Variants in MGMT observed in about 807,000 individuals in gnomAD.
The protein encoded by MGMT is methylated-DNA--protein-cysteine methyltransferase.
MGMT carries 14 observed loss-of-function variants against 15.9 expected under a neutral mutation model. That is an observed-to-expected ratio of 0.88 (90% CI 0.58 to 1.37). The LOEUF (loss-of-function observed/expected upper bound fraction) is 1.37, where lower values mean the gene tolerates loss of function less well. Among genes scored for constraint, MGMT ranks in the 40% most tolerant of loss-of-function variants. The probability of loss-of-function intolerance (pLI) is 0.00; values close to 1 mark genes in which losing one functional copy is unlikely to be tolerated. For synonymous variants in MGMT, 130 were observed against 118.2 expected (o/e 1.10, Z -0.65); for missense variants, 282 against 268.1 (o/e 1.05, Z -0.36).
chr10:129,650,578 C>T (rs1235245265), intron 2 of MGMT, among the ~76,000 whole-genome samples: 1 of 152,162 alleles, frequency 6.6e-6, no homozygotes, highest in East Asian at 1.9e-4. Context: ...AGGAAGAGAT[C>T]CATGGGTTGG....
chr10:129,684,689 T>G (rs1032451393), intron 2 of MGMT, among the ~76,000 whole-genome samples: 1 of 152,220 alleles, frequency 6.6e-6, no homozygotes. Flanking sequence ...CTAGCTCATT[T>G]AGAGACATCC....
rs1445100344 is a variant in MGMT at position 129,769,778 on chromosome 10, G to C, written c.*2781G>C. Among the ~76,000 whole-genome samples the C allele has an allele frequency of 6.6e-6, 1 of 152,214 alleles. No homozygotes were observed. Among genetic ancestry groups the C allele is most frequent in the Non-Finnish European group, 1.5e-5 (1 of 68,044 alleles). On this transcript the variant is annotated 3_prime_UTR_variant, in exon 5 of 5. Transcript: ENST00000651593. ...TCCACGTGTCCTGTGGCCGCCTCCA[G>C]TGGTGAGTCTGTGAGGCCAGAGAAG...
intron 1 of MGMT, among the ~76,000 whole-genome samples, chr10:129,468,304 G>A (rs1845193428): frequency 6.6e-6 from 1 of 152,150 alleles, no homozygotes; most frequent in African/African-American, 2.4e-5. Flanking sequence ...GCACCTGGTG[G>A]GTGGGGGTGT....
chr10:129,627,647 C>A (rs186514738), intron 2 of MGMT, among the ~76,000 whole-genome samples: 12 of 152,272 alleles, frequency 7.9e-5, no homozygotes, highest in African/African-American at 2.4e-4. Context: ...CGGAAGCGGC[C>A]TCTAAAAATA....
intron 3 of MGMT, among the ~76,000 whole-genome samples, chr10:129,730,712 A>AT (rs373951829): frequency 4.0e-4 from 61 of 151,330 alleles, no homozygotes; most frequent in Middle Eastern, 3.4e-3. Context: ...CCCTCCTCTG[A>AT]TTTTTTTTTG....
chr10:129,701,318 A>AG (rs1378273948), intron 2 of MGMT: 1 of 152,162 alleles, frequency 6.6e-6, no homozygotes, highest in Non-Finnish European at 1.5e-5. Flanking sequence ...GGAGAGAGAG[A>AG]GGAGGTGTTC....
At chr10:129,731,745 A>G (rs533427795) in intron 3 of MGMT, among the ~76,000 whole-genome samples, 4 of 152,284 alleles carry the variant, frequency 2.6e-5, no homozygotes, top group African/African-American at 7.2e-5. Flanking sequence ...CAGTAAACCT[A>G]TGGCAGGATA....
chr10:129,561,599 TTGTC>T (rs1846279687), intron 2 of MGMT, among the ~76,000 whole-genome samples: 1 of 152,242 alleles, frequency 6.6e-6, no homozygotes, highest in Non-Finnish European at 1.5e-5. Context: ...GAGGTCATAG[TTGTC>T]TGTGAGGACA....
At chr10:129,678,215 G>A (rs1281054447) in intron 2 of MGMT, among the ~76,000 whole-genome samples, 1 of 152,168 alleles carries the variant, frequency 6.6e-6, no homozygotes, top group East Asian at 1.9e-4. Context: ...TTGGAGGCCT[G>A]GAGTGATGAG....
At chr10:129,646,517 C>T (rs1020813775) in intron 2 of MGMT, among the ~76,000 whole-genome samples, 1 of 151,584 alleles carries the variant, frequency 6.6e-6, no homozygotes, top group African/African-American at 2.4e-5. Context: ...CTGCACAAAT[C>T]GTCTCAAAGA....
intron 2 of MGMT, among the ~76,000 whole-genome samples, chr10:129,630,034 G>A (rs1454775477): frequency 6.6e-6 from 1 of 152,260 alleles, no homozygotes. Flanking sequence ...AGAACGTCAG[G>A]TGGAAGCGGT....
intron 1 of MGMT, among the ~76,000 whole-genome samples, chr10:129,488,287 C>G (rs575982973): frequency 7.9e-5 from 12 of 152,248 alleles, no homozygotes; most frequent in Admixed American, 2.0e-4. Context: ...GGGTAAAAAT[C>G]CTGTCTCATA....
intron 3 of MGMT, among the ~76,000 whole-genome samples, chr10:129,738,942 A>G (rs1050734497): frequency 6.6e-6 from 1 of 152,216 alleles, no homozygotes; most frequent in East Asian, 1.9e-4. Flanking sequence ...AGCACATCAA[A>G]AAGTTTATCC....
chr10:129,683,221 G>T (rs1847872241), intron 2 of MGMT, among the ~76,000 whole-genome samples: 1 of 152,214 alleles, frequency 6.6e-6, no homozygotes, highest in Non-Finnish European at 1.5e-5. Flanking sequence ...TGTGAGTCTT[G>T]GAAAACCCAT....
intron 3 of MGMT, among the ~76,000 whole-genome samples, chr10:129,724,582 T>C (rs1001832593): frequency 6.6e-6 from 1 of 152,166 alleles, no homozygotes; most frequent in African/African-American, 2.4e-5. Context: ...AAATGGACAT[T>C]GAACTCTTAA....
In MGMT at chr10:129,513,126, C is replaced by G. The variant is rs540343975; in HGVS notation, c.-12-23115C>G. On this transcript the variant is annotated intron_variant, in intron 1 of 4. Coordinates refer to ENST00000651593, the MANE Select transcript of MGMT (RefSeq NM_002412.5). ...ACATGGACAAACTTTAAAGACATTA[C>G]GCTGAGTGATATAAGCCAGTCACAA... Among the ~76,000 whole-genome samples, 3 of 152,278 alleles carry G rather than the reference C, an allele frequency of 2.0e-5. No individual in the cohort carries two copies. In the South Asian group the frequency reaches 6.2e-4, roughly 32 times the overall value.
At chr10:129,686,199 C>G (rs765333989) in intron 2 of MGMT, among the ~76,000 whole-genome samples, 5 of 151,074 alleles carry the variant, frequency 3.3e-5, no homozygotes, top group Non-Finnish European at 7.4e-5. Flanking sequence ...AACAGAAGCA[C>G]TTTTTTTAAA....
At chr10:129,714,604 G>A (rs909326912) in intron 3 of MGMT, among the ~76,000 whole-genome samples, 8 of 151,984 alleles carry the variant, frequency 5.3e-5, no homozygotes, top group South Asian at 4.2e-4. Flanking sequence ...ATGGGCACAC[G>A]CACACACATA....
intron 1 of MGMT, among the ~76,000 whole-genome samples, chr10:129,503,636 T>G (rs149244288): frequency 6.6e-6 from 1 of 152,332 alleles, no homozygotes; most frequent in African/African-American, 2.4e-5. Context: ...GAAGTGATTC[T>G]TATAATTGGC....
Sources: gnomAD v4.1 joint callset for allele counts (sites outside exome capture counted in the v4.1 genomes callset) on GRCh38, gnomAD v4.1.1 for gene constraint, MANE v1.5 for transcripts, NCBI Gene and HGNC (gene_info 2026-07-23, HGNC 2026-07-21) for gene names.